Variants in TMCO1 observed in about 807,000 individuals in gnomAD.
TMCO1 encodes transmembrane and coiled-coil domains 1, also known as calcium load-activated calcium channel.
TMCO1 carries 29 observed loss-of-function variants against 29.3 expected under a neutral mutation model. That is an observed-to-expected ratio of 0.99 (90% CI 0.74 to 1.35). The LOEUF (loss-of-function observed/expected upper bound fraction) is 1.35, where lower values mean the gene tolerates loss of function less well. Among genes scored for constraint, TMCO1 ranks in the 40% most tolerant of loss-of-function variants. The pLI, the probability that TMCO1 is intolerant of heterozygous loss-of-function variation, is 0.00. For synonymous variants in TMCO1, 80 were observed against 77.1 expected, an observed-to-expected ratio of 1.04 and a Z score of -0.20; for missense variants, 173 against 225.5, an observed-to-expected ratio of 0.77 and a Z score of 1.49.
chr1:165,733,487 G>T (rs1410343583), intron 6 of TMCO1, among the ~76,000 whole-genome samples: 2 of 152,014 alleles, frequency 1.3e-5, no homozygotes, highest in African/African-American at 4.8e-5. Context: ...TGTAATCCTA[G>T]CTACTTGGGA....
At position 165,768,596 on chromosome 1, in the gene TMCO1, C is replaced by A. The variant is rs560292019; in HGVS notation, c.70+86G>T. On this transcript the variant is annotated intron_variant, in intron 1 of 6. Transcript: ENST00000367881. ...ATGAGCCTCTCAAGCAAGTAAGGCT[C>A]GCGATCTTTCCCCTGGTGGCACAGG... 5.0e-6 allele frequency: 8 copies of A among 1,607,304 alleles called. No homozygotes were observed. In the African/African-American group the frequency reaches 9.3e-5, roughly 19 times the overall value.
At chr1:165,750,932 T>C (rs887131004) in intron 5 of TMCO1, among the ~76,000 whole-genome samples, 2 of 152,010 alleles carry the variant, frequency 1.3e-5, no homozygotes, top group African/African-American at 4.8e-5. Context: ...TAGCCAGGCA[T>C]GGTGGCACAC....
At chr1:165,725,904 G>A (rs1488245568), downstream of TMCO1, 1 of 605,832 alleles carries the variant, frequency 1.7e-6, no homozygotes, top group East Asian at 3.4e-5. Context: ...TGAATAGGGT[G>A]AATAGATGTA....
At chr1:165,746,391 A>C (rs1244007227) in intron 5 of TMCO1, among the ~76,000 whole-genome samples, 1 of 146,918 alleles carries the variant, frequency 6.8e-6, no homozygotes, top group Non-Finnish European at 1.5e-5. Context: ...CTTTCATATA[A>C]TTTTCCTCCT....
chr1:165,746,099 G>A (rs1651786052), intron 5 of TMCO1, among the ~76,000 whole-genome samples: 1 of 152,052 alleles, frequency 6.6e-6, no homozygotes, highest in Non-Finnish European at 1.5e-5. Flanking sequence ...GGCCAATATG[G>A]TGGAACCCCC....
chr1:165,768,649 C>T, intron 1 of TMCO1, 33 bp downstream of exon 1: 2 of 1,614,048 alleles, frequency 1.2e-6, no homozygotes, highest in South Asian at 1.1e-5. Flanking sequence ...CTCCCGGGGA[C>T]TGATCAAACG....
chr1:165,725,016 CTCTCTCTCTATATATATATATA>C (rs1277648673), downstream of TMCO1: 5 of 161,878 alleles, frequency 3.1e-5, no homozygotes, highest in African/African-American at 3.2e-4. Context: ...CTCTCTCTCT[CTCTCTCTCTATATATATATATA>C]TATATATATA....
At chr1:165,763,158 T>C (rs1332567848) in intron 2 of TMCO1, among the ~76,000 whole-genome samples, 1 of 152,194 alleles carries the variant, frequency 6.6e-6, no homozygotes, top group Non-Finnish European at 1.5e-5. Flanking sequence ...ATTTTTGATA[T>C]TCTTCAAAAA....
chr1:165,734,205 C>G (rs1022930523), intron 6 of TMCO1, among the ~76,000 whole-genome samples: 1 of 152,164 alleles, frequency 6.6e-6, no homozygotes, highest in Non-Finnish European at 1.5e-5. Flanking sequence ...TACCAGGGCT[C>G]TCACATTATA....
chr1:165,736,524 C>A (rs991931351), intron 6 of TMCO1, among the ~76,000 whole-genome samples: 3 of 152,098 alleles, frequency 2.0e-5, no homozygotes, highest in African/African-American at 7.2e-5. Context: ...TTGAGACTAG[C>A]CAGCCTGACC....
intron 5 of TMCO1, among the ~76,000 whole-genome samples, chr1:165,747,664 G>A (rs1483199606): frequency 6.6e-6 from 1 of 152,214 alleles, no homozygotes; most frequent in African/African-American, 2.4e-5. Context: ...AATGTCATGA[G>A]AGCCAGGGTA....
intron 2 of TMCO1, among the ~76,000 whole-genome samples, chr1:165,766,217 G>A (rs996981608): frequency 6.6e-6 from 1 of 152,212 alleles, no homozygotes; most frequent in Non-Finnish European, 1.5e-5. Flanking sequence ...GGCTACAAAT[G>A]ACACAGGCTT....
intron 6 of TMCO1, among the ~76,000 whole-genome samples, chr1:165,734,816 TTTG>T (rs1226443444): frequency 6.6e-6 from 1 of 152,114 alleles, no homozygotes; most frequent in Admixed American, 6.6e-5. Context: ...CGTTTTTTGT[TTTG>T]TTTTGTTTTG....
chr1:165,757,601 G>T (rs1330199791), intron 3 of TMCO1, among the ~76,000 whole-genome samples: 1 of 152,176 alleles, frequency 6.6e-6, no homozygotes, highest in Non-Finnish European at 1.5e-5. Context: ...GATTCAAGTG[G>T]ATTCTCCTGC....
At chr1:165,731,878 AC>A (rs1475717197) in intron 6 of TMCO1, among the ~76,000 whole-genome samples, 3 of 152,260 alleles carry the variant, frequency 2.0e-5, no homozygotes, top group African/African-American at 7.2e-5. Flanking sequence ...TTTTGGGAAC[AC>A]TAAATTAAAT....
chr1:165,759,121 T>C (rs1436424278), intron 3 of TMCO1, among the ~76,000 whole-genome samples: 1 of 152,232 alleles, frequency 6.6e-6, no homozygotes, highest in Non-Finnish European at 1.5e-5. Flanking sequence ...GAAAATTTCC[T>C]ACCCCTTGGT....
intron 5 of TMCO1, among the ~76,000 whole-genome samples, chr1:165,747,546 T>C (rs1312124221): frequency 2.6e-5 from 4 of 152,148 alleles, no homozygotes; most frequent in Admixed American, 1.3e-4. Flanking sequence ...TAAAATTCAT[T>C]TGAAAGAATA....
At chr1:165,751,367 T>A (rs994642224) in intron 5 of TMCO1, among the ~76,000 whole-genome samples, 1 of 152,086 alleles carries the variant, frequency 6.6e-6, no homozygotes, top group African/African-American at 2.4e-5. Context: ...ACACCCTCAA[T>A]ATTAAAAGGG....
chr1:165,762,279 A>G (rs1334847095), intron 2 of TMCO1, among the ~76,000 whole-genome samples: 4 of 151,216 alleles, frequency 2.6e-5, no homozygotes, highest in African/African-American at 7.3e-5. Context: ...TGTTATAAGG[A>G]TAACATTTTA....
Sources: allele counts gnomAD v4.1 joint callset (sites outside exome capture counted in the v4.1 genomes callset), GRCh38; gene constraint gnomAD v4.1.1; transcripts MANE v1.5; gene names NCBI Gene and HGNC (gene_info 2026-07-23, HGNC 2026-07-21).